ASXL2: variants seen among roughly 807,000 people sequenced by gnomAD.
ASXL2 encodes the protein ASXL transcriptional regulator 2.
ASXL2 carries 23 observed loss-of-function variants against 122.0 expected under a neutral mutation model. The ratio of observed to expected loss-of-function variants is 0.19; its 90% CI spans 0.14 to 0.27. The LOEUF is 0.27. Among genes scored for constraint, ASXL2 ranks in the 10% least tolerant of loss-of-function variants. The probability of loss-of-function intolerance (pLI) is 1.00; values close to 1 mark genes in which losing one functional copy is unlikely to be tolerated. For synonymous variants in ASXL2, 650 were observed against 637.0 expected (o/e 1.02, Z -0.31); for missense variants, 1,518 against 1,713.8 (o/e 0.89, Z 2.02).
chr2:25,808,826 G>A (rs1391086733), intron 3 of ASXL2, among the ~76,000 whole-genome samples: 7 of 152,128 alleles, frequency 4.6e-5, no homozygotes, highest in Admixed American at 1.3e-4. Context: ...AAGCCAATAA[G>A]CTGCAGGATG....
intron 1 of ASXL2, among the ~76,000 whole-genome samples, chr2:25,854,289 T>C (rs2089752435): frequency 6.6e-6 from 1 of 152,250 alleles, no homozygotes; most frequent in Admixed American, 6.5e-5. Context: ...AGTTAATACT[T>C]ATCTAGCATT....
intron 9 of ASXL2, among the ~76,000 whole-genome samples, chr2:25,758,572 C>A (rs1473718722): frequency 2.0e-5 from 3 of 152,122 alleles, no homozygotes; most frequent in African/African-American, 7.2e-5. Context: ...TTGATGAAAG[C>A]CAAAGTCTCA....
At chr2:25,845,919 T>C (rs1013699202) in intron 1 of ASXL2, among the ~76,000 whole-genome samples, 2 of 152,166 alleles carry the variant, frequency 1.3e-5, no homozygotes, top group African/African-American at 2.4e-5. Flanking sequence ...CCATTCTGTC[T>C]CTCCCACTGA....
rs541231324 is a variant in ASXL2 at position 25,874,368 on chromosome 2, AG to A, written c.57+3797del. Among the ~76,000 whole-genome samples the A allele has an allele frequency of 2.5e-4, 38 of 152,298 alleles. 1 individual carries two copies. Among genetic ancestry groups the A allele is most frequent in the Admixed American group, 1.3e-3 (20 of 15,302 alleles). ...GCCAGGTATGGCAGCGCATGCCTGT[AG>A]TCCCAGCTACTTGGGAAGCTGAGCT... On this transcript the variant is annotated intron_variant, in intron 1 of 12. Coordinates refer to ENST00000435504, the MANE Select transcript of ASXL2 (RefSeq NM_018263.6).
chr2:25,809,418 G>T (rs1351575461), intron 3 of ASXL2, among the ~76,000 whole-genome samples: 1 of 152,120 alleles, frequency 6.6e-6, no homozygotes, highest in East Asian at 1.9e-4. Context: ...TTTCTGGTTT[G>T]GGGGGTACTT....
chr2:25,756,146 CAAAG>C, intron 9 of ASXL2, 32 bp from the exon 10 acceptor site: 1 of 1,426,468 alleles, frequency 7.0e-7, no homozygotes, highest in African/African-American at 1.5e-5. Context: ...GGAAAGCTTA[CAAAG>C]AAAGTGAAAG....
At chr2:25,811,890 T>G (rs1266068381) in intron 3 of ASXL2, among the ~76,000 whole-genome samples, 1 of 152,074 alleles carries the variant, frequency 6.6e-6, no homozygotes, top group African/African-American at 2.4e-5. Flanking sequence ...TAGCTGGGAT[T>G]AGAGGCACAC....
chr2:25,768,661 T>C, intron 7 of ASXL2, 81 bp downstream of exon 7: 2 of 1,429,998 alleles, frequency 1.4e-6, no homozygotes, highest in Non-Finnish European at 1.9e-6. Context: ...AAATAAATGA[T>C]GTCATAAACA....
rs2087769500 is a variant in ASXL2 at position 25,738,316 on chromosome 2, T to C, written c.*3713A>G. 1 of 152,158 alleles carries C rather than the reference T, an allele frequency of 6.6e-6. No individual in the cohort carries two copies. The highest frequency in any genetic ancestry group is 1.5e-5 in the Non-Finnish European group (1 of 68,016). 9.4% of individuals were successfully genotyped at this position (152,158 alleles called of 1,614,324 possible). A position where few individuals can be genotyped will look rare whatever the true frequency, so the allele number is the denominator to read the frequency against. On this transcript the variant is annotated 3_prime_UTR_variant, in exon 13 of 13. Coordinates refer to ENST00000435504, the MANE Select transcript of ASXL2 (RefSeq NM_018263.6). ...GCTATTGCTTCAACTTTAGGAAATG[T>C]TTTACCTACTGTTCTCTTTCAATAG...
In ASXL2 at chr2:25,736,487, G is replaced by A. The variant is rs1002438670; in HGVS notation, c.*5542C>T. On this transcript the variant is annotated 3_prime_UTR_variant, in exon 13 of 13. Coordinates refer to ENST00000435504, the MANE Select transcript of ASXL2 (RefSeq NM_018263.6). The stretch of plus-strand genomic sequence containing the variant: ...TTATGAAGATGCTAATGTCCCCTGA[G>A]ACTTAAGAAGCTTCCTTTAGAAACA... 8 of 152,164 alleles carry A rather than the reference G, an allele frequency of 5.3e-5. No homozygotes were observed. The highest frequency in any genetic ancestry group is 1.2e-4 in the Non-Finnish European group (8 of 68,028). 9.4% of individuals were successfully genotyped at this position (152,164 alleles called of 1,614,324 possible).
chr2:25,755,908 A>G (rs1210185589), intron 10 of ASXL2, 110 bp downstream of exon 10: 1 of 917,942 alleles, frequency 1.1e-6, no homozygotes. Flanking sequence ...ATTCTATCCT[A>G]TGGAAACATC....
Position 25,752,971 on chromosome 2 carries a change from A to ATT in ASXL2, c.1142+561_1142+562dup, listed in dbSNP as rs200703952. ...TAATTCAAAGTTTTTTTAGAAATGT[A>ATT]TTTTTTTTTTTTTGAGATGGAATTT... is the stretch of plus-strand genomic sequence containing the variant. On this transcript the variant is annotated intron_variant, in intron 11 of 12. Coordinates refer to ENST00000435504, the MANE Select transcript of ASXL2 (RefSeq NM_018263.6). 6.0e-3 allele frequency among the ~76,000 whole-genome samples: 879 copies of ATT among 145,348 alleles called. 3 individuals are homozygous for ATT. Among genetic ancestry groups the ATT allele is most frequent in the Non-Finnish European group, 8.2e-3 (541 of 66,010 alleles).
chr2:25,853,162 T>G (rs2089736983), intron 1 of ASXL2, among the ~76,000 whole-genome samples: 2 of 152,120 alleles, frequency 1.3e-5, no homozygotes. Context: ...GAGCTTGAGG[T>G]ACTAGTTCCG....
intron 5 of ASXL2, among the ~76,000 whole-genome samples, chr2:25,784,039 G>A (rs894991783): frequency 1.0e-4 from 15 of 148,846 alleles, no homozygotes; most frequent in African/African-American, 3.8e-4. Flanking sequence ...GGGCGAAAGA[G>A]TGAAACTCCA....
In ASXL2 at chr2:25,833,128, T is replaced by C. The variant is rs2149187617; in HGVS notation, c.143+2410A>G. Reference sequence around the variant, plus strand: ...GTGTGGTGGTAGGTACATGAATCTATACACGTGATAAAACCACATAGCACC... The same window carrying C: ...GTGTGGTGGTAGGTACATGAATCTACACACGTGATAAAACCACATAGCACC... On this transcript the variant is annotated intron_variant, in intron 3 of 12. Transcript: ENST00000435504. Among the ~76,000 whole-genome samples, 6 of 152,302 alleles carry C rather than the reference T, an allele frequency of 3.9e-5. 1 individual carries two copies. The highest frequency in any genetic ancestry group is 3.9e-4 in the Admixed American group (6 of 15,292).
intron 1 of ASXL2, among the ~76,000 whole-genome samples, chr2:25,848,862 G>GGAGATTCCCTGCCTC: frequency 6.9e-6 from 1 of 144,186 alleles, no homozygotes; most frequent in East Asian, 2.2e-4. Flanking sequence ...CCTGGCCAAT[G>GGAGATTCCCTGCCTC]TGGTGAAACA....
intron 5 of ASXL2, among the ~76,000 whole-genome samples, chr2:25,775,281 C>T (rs188347704): frequency 0.011 from 1,718 of 152,240 alleles, 16 homozygotes; most frequent in Non-Finnish European, 0.017. Context: ...GTGCCCACCA[C>T]CACGCCCAGC....
rs751044176 is a variant in ASXL2 at position 25,768,737 on chromosome 2, C to A, written c.631+5G>T. On this transcript the variant is annotated splice_donor_5th_base_variant and intron_variant, in intron 7 of 12. Coordinates refer to ENST00000435504, the MANE Select transcript of ASXL2 (RefSeq NM_018263.6). The stretch of plus-strand genomic sequence containing the variant: ...TTCCATTGAAAAACTGCCCAAACTG[C>A]CTACCAGGTTTGGCAGGTACAGAGT... 1 of 1,610,558 alleles carries A rather than the reference C, an allele frequency of 6.2e-7. No individual in the cohort carries two copies. The highest frequency in any genetic ancestry group is 1.1e-5 in the South Asian group (1 of 90,218).
At chr2:25,745,086 T>C (rs1033539128) in intron 12 of ASXL2, among the ~76,000 whole-genome samples, 1 of 152,122 alleles carries the variant, frequency 6.6e-6, no homozygotes, top group African/African-American at 2.4e-5. Flanking sequence ...TAAAGGAGTA[T>C]GTACATAATG....
Sources: gnomAD v4.1 joint callset for allele counts (sites outside exome capture counted in the v4.1 genomes callset) on GRCh38, gnomAD v4.1.1 for gene constraint, MANE v1.5 for transcripts, NCBI Gene and HGNC (gene_info 2026-07-23, HGNC 2026-07-21) for gene names.